SORCS1: variants seen among roughly 807,000 people sequenced by gnomAD.
SORCS1 encodes the protein VPS10 domain-containing receptor SorCS1.
Under a neutral mutation model 146.1 loss-of-function variants are expected in SORCS1, and 60 were observed. The ratio of observed to expected loss-of-function variants is 0.41; its 90% CI spans 0.33 to 0.51. SORCS1 has a LOEUF of 0.51. Among genes scored for constraint, SORCS1 ranks in the 20% least tolerant of loss-of-function variants. The pLI is 0.21. For missense variants in SORCS1, 1,352 were observed against 1,487.6 expected (o/e 0.91, Z 1.50); for synonymous variants, 637 against 584.0 (o/e 1.09, Z -1.31).
rs992873309 is a variant in SORCS1 at position 106,948,236 on chromosome 10, T to G, written c.626+8277A>C. ...AAAAACAATAACTCACCACTACAGA[T>G]ATCAGGAAAGCTGAATCTAGGTGGT... On this transcript the variant is annotated intron_variant, in intron 2 of 25. Transcript: ENST00000263054. 2.0e-5 allele frequency among the ~76,000 whole-genome samples: 3 copies of G among 151,740 alleles called. No individual in the cohort carries two copies. The South Asian group carries it at 6.2e-4, about 32-fold the overall frequency.
At chr10:106,921,474 CT>C in intron 2 of SORCS1, among the ~76,000 whole-genome samples, 1 of 152,328 alleles carries the variant, frequency 6.6e-6, no homozygotes, top group South Asian at 2.1e-4. Context: ...TTTCTCCTCT[CT>C]TAATTCCATT....
At chr10:106,824,256 T>C (rs1413291791) in intron 3 of SORCS1, among the ~76,000 whole-genome samples, 1 of 145,376 alleles carries the variant, frequency 6.9e-6, no homozygotes, top group Non-Finnish European at 1.5e-5. Flanking sequence ...GTTGTGCCAC[T>C]GTACTCCAGC....
At chr10:106,943,236 C>T (rs906020099) in intron 2 of SORCS1, among the ~76,000 whole-genome samples, 1 of 152,186 alleles carries the variant, frequency 6.6e-6, no homozygotes, top group Non-Finnish European at 1.5e-5. Flanking sequence ...TGTTCCTCTG[C>T]CTAATTTTTC....
intron 6 of SORCS1, among the ~76,000 whole-genome samples, chr10:106,722,188 T>C: frequency 6.6e-6 from 1 of 151,756 alleles, no homozygotes; most frequent in South Asian, 2.1e-4. Context: ...TTTATATATA[T>C]ATATACCTTT....
chr10:106,732,352 C>T (rs1458609342), intron 5 of SORCS1, among the ~76,000 whole-genome samples: 4 of 152,124 alleles, frequency 2.6e-5, no homozygotes, highest in Non-Finnish European at 5.9e-5. Context: ...AGTACTGCAG[C>T]GACTACTAGG....
At position 106,997,391 on chromosome 10, in the gene SORCS1, A is replaced by C. The variant is rs1957043998; in HGVS notation, c.559-40811T>G. Among the ~76,000 whole-genome samples the C allele has an allele frequency of 1.3e-5, 2 of 152,200 alleles. 1 individual carries two copies. Among genetic ancestry groups the C allele is most frequent in the South Asian group, 4.1e-4 (2 of 4,832 alleles). ...GCTCCTGACACTTCACTGCTGCCAC[A>C]GATTCTCTTATTTTGACCAAATGCT... On this transcript the variant is annotated intron_variant, in intron 1 of 25. Coordinates refer to ENST00000263054, the MANE Select transcript of SORCS1 (RefSeq NM_052918.5).
At chr10:106,889,785 T>C (rs1473551256) in intron 2 of SORCS1, among the ~76,000 whole-genome samples, 7 of 149,676 alleles carry the variant, frequency 4.7e-5, no homozygotes, top group African/African-American at 1.7e-4. Context: ...CTCGGGAGGC[T>C]GAGGCAGCAG....
At position 106,629,275 on chromosome 10, in the gene SORCS1, G is replaced by A. The variant is rs1589515488; in HGVS notation, c.2589C>T (p.Gly863=). 1 of 1,614,116 alleles carries A rather than the reference G, an allele frequency of 6.2e-7. No homozygotes were observed. Among genetic ancestry groups the A allele is most frequent in the Non-Finnish European group, 8.5e-7 (1 of 1,179,994 alleles). The part of the protein sequence containing the change: ...DGIKHVYQNV[G]IFRVTVQVDN... The stretch of plus-strand genomic sequence containing the variant: ...CCACCTGCACGGTCACACGGAAAAT[G>A]CCCACGTTCTGATAGACGTGTTTGA... The change falls in exon 19 of 26, where the codon GGC becomes GGT. Residue 863 remains glycine, a synonymous_variant. Coordinates refer to ENST00000263054, the MANE Select transcript of SORCS1 (RefSeq NM_052918.5).
Position 106,706,549 on chromosome 10 carries a change from G to A in SORCS1, c.1229C>T (p.Pro410Leu), listed in dbSNP as rs1247105458. 6.2e-7 allele frequency: 1 copy of A among 1,614,056 alleles called. No homozygotes were observed. The highest frequency in any genetic ancestry group is 1.7e-5 in the Admixed American group (1 of 60,020). Reference sequence around the variant, plus strand: ...AGAAAGTGATTTAGGCCATACCTTGGGCAAAGCATATTTCGGAAGCTTCAT... The same window carrying A: ...AGAAAGTGATTTAGGCCATACCTTGAGCAAAGCATATTTCGGAAGCTTCAT... ...AQMKLPKYAL[P>L]KDMHVISTDE... The change falls in exon 8 of 26, where the codon CCC (proline) becomes CTC (leucine). Residue 410 changes from proline to leucine, a missense_variant. Physicochemically the swap from Pro to Leu is moderately conservative, Grantham distance 98. Transcript: ENST00000263054.
chr10:106,613,425 T>C (rs889849112), intron 21 of SORCS1, among the ~76,000 whole-genome samples: 9 of 152,276 alleles, frequency 5.9e-5, no homozygotes, highest in African/African-American at 1.9e-4. Flanking sequence ...TTCAGGAGTC[T>C]TGGAGCCAAA....
chr10:106,724,368 G>A lies in SORCS1; in HGVS notation c.1024+5682C>T, dbSNP rs181382523. Among the ~76,000 whole-genome samples, 46 of 152,054 alleles carry A rather than the reference G, an allele frequency of 3.0e-4. 2 individuals carry two copies. The highest frequency in any genetic ancestry group is 2.7e-3 in the East Asian group (14 of 5,166). On this transcript the variant is annotated intron_variant, in intron 6 of 25. Transcript: ENST00000263054. ...CTAAAAATACCAAAATTAGCTGGGC[G>A]TGGTGGTGTGCACCTGTAATCCCAG...
intron 2 of SORCS1, among the ~76,000 whole-genome samples, chr10:106,918,829 G>A (rs1404672788): frequency 6.6e-6 from 1 of 151,652 alleles, no homozygotes; most frequent in Non-Finnish European, 1.5e-5. Flanking sequence ...ATTGAAAATT[G>A]TATAGTGTAT....
chr10:106,945,399 G>A (rs1297295379), intron 2 of SORCS1, among the ~76,000 whole-genome samples: 1 of 152,078 alleles, frequency 6.6e-6, no homozygotes, highest in Non-Finnish European at 1.5e-5. Context: ...AATTTTCATT[G>A]TTTGATTGCT....
At chr10:107,097,597 C>T (rs1964628309) in intron 1 of SORCS1, among the ~76,000 whole-genome samples, 1 of 152,164 alleles carries the variant, frequency 6.6e-6, no homozygotes, top group South Asian at 2.1e-4. Context: ...GCCCCAGCCT[C>T]TCTGCCAGGC....
At chr10:107,177,116 G>A in the SORCS1 span, among the ~76,000 whole-genome samples, 1 of 151,594 alleles carries the variant, frequency 6.6e-6, no homozygotes, top group Non-Finnish European at 1.5e-5. Context: ...GTTATTTTTT[G>A]CCTAAAATCG....
chr10:107,172,541 T>C, the SORCS1 span, among the ~76,000 whole-genome samples: 2 of 152,246 alleles, frequency 1.3e-5, no homozygotes, highest in African/African-American at 4.8e-5. Flanking sequence ...TCTCATCTTC[T>C]AAGTTAGCCA....
At chr10:106,735,964 C>A (rs1254147099) in intron 5 of SORCS1, among the ~76,000 whole-genome samples, 3 of 152,142 alleles carry the variant, frequency 2.0e-5, no homozygotes, top group Non-Finnish European at 4.4e-5. Context: ...ATCTATACTT[C>A]CAGTATCTTA....
In SORCS1 at chr10:106,602,536, C is replaced by CACACACACACAG. The variant is rs1554875440; in HGVS notation, c.3165+4629_3165+4630insCTGTGTGTGTGT. On this transcript the variant is annotated intron_variant, in intron 23 of 25. Coordinates refer to ENST00000263054, the MANE Select transcript of SORCS1 (RefSeq NM_052918.5). ...TAACACACACACACACACACACACA[C>CACACACACACAG]ACACACACACACACAAACACACACA... is the stretch of plus-strand genomic sequence containing the variant. Among the ~76,000 whole-genome samples, 638 of 151,292 alleles carry CACACACACACAG rather than the reference C, an allele frequency of 4.2e-3. 3 individuals carry two copies. Among genetic ancestry groups the CACACACACACAG allele is most frequent in the African/African-American group, 0.014 (589 of 40,970 alleles).
chr10:106,731,723 A>C (rs924645096), intron 5 of SORCS1, among the ~76,000 whole-genome samples: 11 of 152,142 alleles, frequency 7.2e-5, no homozygotes, highest in Non-Finnish European at 4.4e-5. Context: ...CACACACACA[A>C]CACACAAATA....
Sources: gnomAD v4.1 joint callset for allele counts (sites outside exome capture counted in the v4.1 genomes callset) on GRCh38, gnomAD v4.1.1 for gene constraint, MANE v1.5 for transcripts, NCBI Gene and HGNC (gene_info 2026-07-23, HGNC 2026-07-21) for gene names.